Variants in GRAMD4 observed in about 807,000 individuals in gnomAD.
GRAMD4 encodes the protein GRAM domain containing 4.
Under a neutral mutation model 83.9 loss-of-function variants are expected in GRAMD4, and 25 were observed. The ratio of observed to expected loss-of-function variants is 0.30; its 90% CI spans 0.22 to 0.42. The LOEUF is 0.42. Ranked by LOEUF, GRAMD4 falls within the 10% of genes least tolerant of loss-of-function variation. The pLI, the probability that GRAMD4 is intolerant of heterozygous loss-of-function variation, is 1.00. For missense variants in GRAMD4, 593 were observed against 788.7 expected (o/e 0.75, Z 2.97); for synonymous variants, 336 against 320.9 (o/e 1.05, Z -0.50).
At chr22:46,618,446 C>CG (rs1262849299), upstream of GRAMD4, among the ~76,000 whole-genome samples, 6 of 152,256 alleles carry the variant, frequency 3.9e-5, no homozygotes, top group East Asian at 1.2e-3. The surrounding 1 kb of genome is among the most constrained non-coding windows in gnomAD (Gnocchi z 5.8). Flanking sequence ...CCAAACGTGT[C>CG]GGGCCCTGCA....
chr22:46,628,158 CA>C (rs1279450747), intron 2 of GRAMD4, among the ~76,000 whole-genome samples: 13 of 152,216 alleles, frequency 8.5e-5, no homozygotes, highest in Non-Finnish European at 1.8e-4. Context: ...CCGACACATA[CA>C]TGGTTCAACA....
intron 3 of GRAMD4, among the ~76,000 whole-genome samples, chr22:46,654,319 C>T (rs987751200): frequency 2.6e-5 from 4 of 152,210 alleles, no homozygotes; most frequent in African/African-American, 9.6e-5. Context: ...TCAGGGCCAG[C>T]CCGGGCTCAC....
chr22:46,668,663 G>T, intron 11 of GRAMD4, 26 bp from the exon 12 acceptor site: 1 of 1,609,544 alleles, frequency 6.2e-7, no homozygotes. Context: ...GGGGGCTGTT[G>T]TAATTGCTGT....
chr22:46,657,333 AGCAAGG>A (rs2082258686), intron 3 of GRAMD4, among the ~76,000 whole-genome samples: 1 of 152,210 alleles, frequency 6.6e-6, no homozygotes, highest in Non-Finnish European at 1.5e-5. Context: ...GTGGGGGAGA[AGCAAGG>A]GCCTCAGGCT....
intron 13 of GRAMD4, among the ~76,000 whole-genome samples, chr22:46,669,112 GCCCTCCAC>G (rs1419169312): frequency 6.6e-6 from 1 of 152,082 alleles, no homozygotes; most frequent in Non-Finnish European, 1.5e-5. Flanking sequence ...AAATCAAGAA[GCCCTCCAC>G]TTCCAAGGCC....
chr22:46,601,296 GT>G (rs1569253197), intron 1 of GRAMD4, among the ~76,000 whole-genome samples: 1 of 152,112 alleles, frequency 6.6e-6, no homozygotes, highest in African/African-American at 2.4e-5. Context: ...CAGGGGGCAA[GT>G]GTGGGAAAGG....
At chr22:46,601,993 C>G (rs1270513409) in intron 1 of GRAMD4, among the ~76,000 whole-genome samples, 4 of 152,126 alleles carry the variant, frequency 2.6e-5, no homozygotes, top group African/African-American at 9.7e-5. Context: ...TCTTTTTTCT[C>G]CTCTCCTCCT....
chr22:46,664,684 G>T (rs1317911156), intron 8 of GRAMD4, among the ~76,000 whole-genome samples: 4 of 152,236 alleles, frequency 2.6e-5, no homozygotes, highest in Non-Finnish European at 5.9e-5. Context: ...GGTCCTCGGG[G>T]GGAGCCCCCT....
intron 1 of GRAMD4, among the ~76,000 whole-genome samples, chr22:46,581,757 GTGGGT>G (rs1454605138): frequency 2.0e-5 from 3 of 152,238 alleles, no homozygotes; most frequent in Non-Finnish European, 4.4e-5. Flanking sequence ...CGTGGTAGAG[GTGGGT>G]TTGGACCAAT....
At chr22:46,668,491 G>A (rs527622000) in intron 11 of GRAMD4, among the ~76,000 whole-genome samples, 198 bp from the exon 12 acceptor site, 4 of 152,148 alleles carry the variant, frequency 2.6e-5, no homozygotes, top group Non-Finnish European at 4.4e-5. Context: ...CTCAGGCCCG[G>A]GTCTGCTGTT....
At chr22:46,676,889 T>C (rs77619060) in intron 18 of GRAMD4, among the ~76,000 whole-genome samples, 7,732 of 152,304 alleles carry the variant, frequency 0.051, 332 homozygotes, top group African/African-American at 0.12. Context: ...ACAGGGATGT[T>C]GGGCACAGGG....
chr22:46,661,492 C>T (rs765482851), intron 5 of GRAMD4, 50 bp downstream of exon 5: 14 of 1,246,886 alleles, frequency 1.1e-5, no homozygotes, highest in Admixed American at 3.4e-5. Context: ...TGGGTGGCTG[C>T]GCGTCACCTG....
At position 46,648,799 on chromosome 22, in the gene GRAMD4, G is replaced by C. The variant is rs13058658; in HGVS notation, c.284-9388G>C. ...GGATGGATGGATGGATGGATGGATG[G>C]ATGCATGGATGGATGGATGGATGGA... On this transcript the variant is annotated intron_variant, in intron 3 of 18. Coordinates refer to ENST00000406902, the MANE Select transcript of GRAMD4 (RefSeq NM_015124.5). Among the ~76,000 whole-genome samples the C allele has an allele frequency of 1.8e-3, 167 of 95,030 alleles. 7 individuals carry two copies. Among genetic ancestry groups the C allele is most frequent in the African/African-American group, 2.8e-3 (70 of 24,852 alleles). 62.3% of individuals were successfully genotyped at this position (95,030 alleles called of 152,430 possible).
chr22:46,577,972 G>T (rs2081061272), intron 1 of GRAMD4, among the ~76,000 whole-genome samples: 1 of 152,214 alleles, frequency 6.6e-6, no homozygotes. Flanking sequence ...TCCTGGACAA[G>T]GGAGGGAGGA....
At chr22:46,601,113 C>A (rs531729370) in intron 1 of GRAMD4, among the ~76,000 whole-genome samples, 1 of 152,212 alleles carries the variant, frequency 6.6e-6, no homozygotes, top group East Asian at 1.9e-4. Flanking sequence ...CACTGCACTC[C>A]AGCCTGGGTG....
At chr22:46,652,398 C>T (rs938722728) in intron 3 of GRAMD4, among the ~76,000 whole-genome samples, 8 of 152,190 alleles carry the variant, frequency 5.3e-5, no homozygotes, top group African/African-American at 1.2e-4. Context: ...GCCCTGCCCA[C>T]GCCATGAGCT....
chr22:46,639,242 T>G (rs972595989), intron 3 of GRAMD4, among the ~76,000 whole-genome samples: 1 of 151,524 alleles, frequency 6.6e-6, no homozygotes, highest in Admixed American at 6.6e-5. Flanking sequence ...ACGGTAGTAG[T>G]TAACCGTGTG....
chr22:46,618,820 G>A (rs1276699219), upstream of GRAMD4, among the ~76,000 whole-genome samples: 2 of 149,586 alleles, frequency 1.3e-5, no homozygotes, highest in African/African-American at 5.1e-5. This position sits in a 1 kb window ranked among gnomAD's most constrained non-coding sequence, Gnocchi z 5.8. Context: ...TGGCAGTGGA[G>A]TGAGGAACGG....
intron 3 of GRAMD4, among the ~76,000 whole-genome samples, chr22:46,653,335 G>A (rs1185084347): frequency 2.6e-5 from 4 of 152,198 alleles, no homozygotes; most frequent in Non-Finnish European, 5.9e-5. Context: ...CAGTGAAGAT[G>A]GCCGGGCTCT....
Sources: allele counts gnomAD v4.1 joint callset (sites outside exome capture counted in the v4.1 genomes callset), GRCh38; gene constraint gnomAD v4.1.1; non-coding constraint Gnocchi (gnomAD v3.1); transcripts MANE v1.5; gene names NCBI Gene and HGNC (gene_info 2026-07-23, HGNC 2026-07-21).